The following DENND5A variants were observed in gnomAD, a reference collection of about 807,000 sequenced individuals.
DENND5A encodes DENN domain containing 5A.
DENND5A carries 64 observed loss-of-function variants against 140.3 expected under a neutral mutation model. The ratio of observed to expected loss-of-function variants is 0.46; its 90% CI spans 0.37 to 0.56. The LOEUF is 0.56. Among genes scored for constraint, DENND5A ranks in the 20% least tolerant of loss-of-function variants. The probability of loss-of-function intolerance (pLI) is 0.00; values close to 1 mark genes in which losing one functional copy is unlikely to be tolerated. For synonymous variants in DENND5A, 605 were observed against 607.7 expected, an observed-to-expected ratio of 1.00 and a Z score of 0.07; for missense variants, 1,292 against 1,593.8, an observed-to-expected ratio of 0.81 and a Z score of 3.22.
At position 9,206,924 on chromosome 11, in the gene DENND5A, A is replaced by C. The variant is rs986232848; in HGVS notation, c.182-142T>G. On this transcript the variant is annotated intron_variant, in intron 2 of 22. Transcript: ENST00000328194. Reference sequence around the variant, plus strand: ...ATGCCAACCATCTAAGAATAAAAATAGGAAAGGCATTAAAGTTATTAGGTC... The same window carrying C: ...ATGCCAACCATCTAAGAATAAAAATCGGAAAGGCATTAAAGTTATTAGGTC... 7.2e-5 allele frequency: 46 copies of C among 637,382 alleles called. No individual in the cohort carries two copies. In the African/African-American group the frequency reaches 7.9e-4, roughly 11 times the overall value. The allele number at this position is 637,382 out of a possible 1,614,324, so 39.5% of individuals were successfully genotyped here. A position where few individuals can be genotyped will look rare whatever the true frequency, so the allele number is the denominator to read the frequency against.
chr11:9,255,318 C>T (rs1383653553), intron 1 of DENND5A, among the ~76,000 whole-genome samples: 1 of 151,950 alleles, frequency 6.6e-6, no homozygotes, highest in African/African-American at 2.4e-5. Flanking sequence ...CGGCCGGGCG[C>T]GGTGGCTCAC....
intron 1 of DENND5A, among the ~76,000 whole-genome samples, chr11:9,223,349 G>A (rs1850394924): frequency 1.3e-5 from 2 of 151,968 alleles, no homozygotes; most frequent in Non-Finnish European, 2.9e-5. Context: ...GACCAGCCTG[G>A]CCAACATGGT....
chr11:9,219,631 T>C (rs1850231630), intron 1 of DENND5A, among the ~76,000 whole-genome samples: 1 of 152,080 alleles, frequency 6.6e-6, no homozygotes, highest in Admixed American at 6.6e-5. Context: ...TGACAGAGGA[T>C]AACTCCAAGA....
chr11:9,245,282 CAAA>C (rs112989622), intron 1 of DENND5A: 12 of 96,220 alleles, frequency 1.2e-4, no homozygotes, highest in African/African-American at 3.2e-4. Context: ...AGACTGTCAC[CAAA>C]AAAAAAAAAA....
chr11:9,143,302 C>A (rs1847310453), intron 20 of DENND5A, 101 bp downstream of exon 20: 1 of 1,058,330 alleles, frequency 9.4e-7, no homozygotes, highest in Admixed American at 1.7e-5. Context: ...AGGGTGTCCA[C>A]AGCACATGGG....
At chr11:9,186,591 AG>A (rs1681333213) in intron 5 of DENND5A, among the ~76,000 whole-genome samples, 2 of 152,350 alleles carry the variant, frequency 1.3e-5, no homozygotes, top group South Asian at 4.1e-4. Flanking sequence ...CCAAATATAG[AG>A]TCTGTAAAGA....
chr11:9,177,035 G>C, intron 8 of DENND5A: 1 of 408,182 alleles, frequency 2.4e-6, no homozygotes. Context: ...TGGGAGAACT[G>C]CTTGAGCCCA....
Position 9,265,150 on chromosome 11 carries a change from G to A in DENND5A, c.-81C>T, listed in dbSNP as rs1852391900. On this transcript the variant is annotated 5_prime_UTR_variant, in exon 1 of 23. Transcript: ENST00000328194. This position sits in a 1 kb window ranked among gnomAD's most constrained non-coding sequence, Gnocchi z 4.7. ...CCGGGCGCCCGCCCGTCCGCCCTCA[G>A]GCCGCCCCTCCCGCCGCCGCCGCTA... 5 of 810,428 alleles carry A rather than the reference G, an allele frequency of 6.2e-6. No homozygotes were observed. The highest frequency in any genetic ancestry group is 5.5e-5 in the South Asian group (1 of 18,026). The allele number at this position is 810,428 out of a possible 1,614,324, so 50.2% of individuals were successfully genotyped here. A position where few individuals can be genotyped will look rare whatever the true frequency, so the allele number is the denominator to read the frequency against.
At chr11:9,240,994 CA>C (rs1322852771) in intron 1 of DENND5A, among the ~76,000 whole-genome samples, 1 of 152,190 alleles carries the variant, frequency 6.6e-6, no homozygotes, top group Non-Finnish European at 1.5e-5. Flanking sequence ...GTTGTCTTGA[CA>C]GAGACTCATC....
At chr11:9,243,208 C>T (rs1364225704) in intron 1 of DENND5A, among the ~76,000 whole-genome samples, 1 of 150,052 alleles carries the variant, frequency 6.7e-6, no homozygotes, top group African/African-American at 2.4e-5. Context: ...TCATAACTAA[C>T]TGAGCTAAGT....
intron 5 of DENND5A, among the ~76,000 whole-genome samples, chr11:9,188,611 G>A (rs1849004126): frequency 5.3e-5 from 8 of 152,194 alleles, no homozygotes; most frequent in Admixed American, 5.2e-4. Context: ...GGTGGTTTCA[G>A]ATGGAGATAA....
chr11:9,254,259 G>A (rs1373004328), intron 1 of DENND5A, among the ~76,000 whole-genome samples: 2 of 151,442 alleles, frequency 1.3e-5, no homozygotes, highest in Non-Finnish European at 2.9e-5. Flanking sequence ...TCAGAAATTC[G>A]AGGCTCAGAA....
intron 4 of DENND5A, among the ~76,000 whole-genome samples, chr11:9,194,145 G>A (rs1164643554): frequency 1.3e-5 from 2 of 152,202 alleles, no homozygotes; most frequent in African/African-American, 2.4e-5. Flanking sequence ...TGCCTGCAAA[G>A]TCAAGCACAA....
intron 1 of DENND5A, among the ~76,000 whole-genome samples, chr11:9,255,308 C>T (rs1851898120): frequency 6.6e-6 from 1 of 152,124 alleles, no homozygotes; most frequent in Non-Finnish European, 1.5e-5. Context: ...AGGTTAAACA[C>T]GGCCGGGCGC....
intron 1 of DENND5A, among the ~76,000 whole-genome samples, chr11:9,214,870 C>A (rs1326013039): frequency 6.6e-6 from 1 of 152,090 alleles, no homozygotes; most frequent in Non-Finnish European, 1.5e-5. Context: ...ATTACAGGCG[C>A]CTGCCATCAC....
chr11:9,198,363 C>G (rs1849404314), intron 4 of DENND5A, among the ~76,000 whole-genome samples: 1 of 151,428 alleles, frequency 6.6e-6, no homozygotes, highest in African/African-American at 2.4e-5. Flanking sequence ...ACCTGTAATC[C>G]CAGCACTTTG....
chr11:9,224,108 C>A (rs547123613), intron 1 of DENND5A, among the ~76,000 whole-genome samples: 1 of 152,126 alleles, frequency 6.6e-6, no homozygotes, highest in African/African-American at 2.4e-5. Flanking sequence ...GCAGGAGAAT[C>A]GCTTGAACCT....
chr11:9,153,234 TCGAAC>T (rs74714289), intron 12 of DENND5A, among the ~76,000 whole-genome samples: 35,284 of 145,056 alleles, frequency 0.24, 4,588 homozygotes, highest in African/African-American at 0.36. Flanking sequence ...AGAGGATCAC[TCGAAC>T]CGAACCTGGG....
At chr11:9,188,200 G>A (rs897837886) in intron 5 of DENND5A, among the ~76,000 whole-genome samples, 6 of 152,120 alleles carry the variant, frequency 3.9e-5, no homozygotes, top group African/African-American at 1.4e-4. Flanking sequence ...GGTTTTATAA[G>A]GGGGAGTTTC....
Sources: allele counts gnomAD v4.1 joint callset (sites outside exome capture counted in the v4.1 genomes callset), GRCh38; gene constraint gnomAD v4.1.1; non-coding constraint Gnocchi (gnomAD v3.1); transcripts MANE v1.5; gene names NCBI Gene and HGNC (gene_info 2026-07-23, HGNC 2026-07-21).